The following RANBP3 variants were observed in gnomAD, a reference collection of about 807,000 sequenced individuals.
RANBP3 encodes the protein ran-binding protein 3.
RANBP3 carries 14 observed loss-of-function variants against 77.3 expected under a neutral mutation model. The observed-to-expected ratio is 0.18, with a 90% CI of 0.12 to 0.28. The LOEUF (loss-of-function observed/expected upper bound fraction) is 0.28. RANBP3 is among the 10% of genes least tolerant of loss of function. The pLI is 1.00. For synonymous variants in RANBP3, 315 were observed against 312.4 expected (o/e 1.01, Z -0.09); for missense variants, 586 against 752.3 (o/e 0.78, Z 2.59).
At chr19:5,977,703 C>T (rs1464907807) in intron 1 of RANBP3, among the ~76,000 whole-genome samples, 5 of 152,216 alleles carry the variant, frequency 3.3e-5, no homozygotes, top group African/African-American at 9.6e-5. Flanking sequence ...CGGGCCACAA[C>T]CAGGCCCTAA....
intron 5 of RANBP3, among the ~76,000 whole-genome samples, chr19:5,941,281 G>A (rs1183516364): frequency 6.6e-6 from 1 of 152,224 alleles, no homozygotes; most frequent in African/African-American, 2.4e-5. Flanking sequence ...CCCAGTCTGT[G>A]TCCAGCCTTG....
chr19:5,939,481 G>A (rs541076525), intron 5 of RANBP3, among the ~76,000 whole-genome samples: 7 of 152,350 alleles, frequency 4.6e-5, no homozygotes, highest in Middle Eastern at 3.4e-3. Flanking sequence ...CCCCCAGGCC[G>A]GGCGGGAAGG....
intron 8 of RANBP3, chr19:5,928,393 C>T (rs149710606): frequency 2.1e-4 from 47 of 222,306 alleles, no homozygotes; most frequent in Non-Finnish European, 3.5e-4. Flanking sequence ...CCTGGTTGCT[C>T]ATCATTGGCC....
intron 1 of RANBP3, among the ~76,000 whole-genome samples, chr19:5,969,009 G>A (rs1378952162): frequency 6.6e-6 from 1 of 152,198 alleles, no homozygotes; most frequent in African/African-American, 2.4e-5. Context: ...CACATGAAGG[G>A]TGAGCAGGGA....
intron 14 of RANBP3, among the ~76,000 whole-genome samples, chr19:5,919,882 C>A (rs905095341): frequency 7.7e-6 from 1 of 129,192 alleles, no homozygotes; most frequent in African/African-American, 3.0e-5. Flanking sequence ...GACTGGGCAA[C>A]AAGGGCAAAA....
rs966475474 is a variant in RANBP3, at chr19:5,917,849, C to G, written c.1605G>C (p.Glu535Asp). The change falls in exon 16 of 17, where the codon GAG (glutamate) becomes GAC (aspartate). Residue 535 changes from glutamate (E) to aspartate (D), a missense_variant. By Grantham distance (45) the Glu-to-Asp change is conservative. This residue lies in a region of RANBP3 where 128 missense variants were observed against 157.0 expected (regional missense o/e 0.82). Transcript: ENST00000340578. ...CATCGTCATCGTCGCTGTCGTCCTC[C>G]TCGTTGGATGGGGCTGCCCCAGGCT... ...APEPGAAPSN[E>D]EDDSDDDDVL... The G allele has an allele frequency of 1.3e-5, 21 of 1,612,876 alleles. No individual in the cohort carries two copies. The highest frequency in any genetic ancestry group is 1.8e-5 in the Non-Finnish European group (21 of 1,179,896).
intron 14 of RANBP3, 94 bp from the exon 15 acceptor site, chr19:5,918,732 A>G: frequency 6.8e-7 from 1 of 1,466,902 alleles, no homozygotes; most frequent in Middle Eastern, 2.3e-4. Flanking sequence ...ATGGAAAGCG[A>G]CATCACCGCG....
intron 6 of RANBP3, 97 bp downstream of exon 6, chr19:5,933,317 G>C: frequency 1.0e-6 from 1 of 967,506 alleles, no homozygotes; most frequent in Non-Finnish European, 1.5e-6. Flanking sequence ...GATCTTTCTA[G>C]AAAGCAGGCT....
At chr19:5,977,975 G>A (rs1375979736) in intron 1 of RANBP3, 86 bp downstream of exon 1, 43 of 1,552,410 alleles carry the variant, frequency 2.8e-5, no homozygotes, top group South Asian at 4.7e-5. Context: ...GCACTCTGCG[G>A]TGCTCCCCCC....
At chr19:5,925,012 G>C (rs997613250) in intron 10 of RANBP3, 107 bp from the exon 11 acceptor site, 80 of 1,000,604 alleles carry the variant, frequency 8.0e-5, no homozygotes, top group Middle Eastern at 7.0e-4. Context: ...ACAGTGGAGG[G>C]GCCTCCGCCA....
Position 5,921,094 on chromosome 19 carries a change from C to T in RANBP3, c.1330+107G>A. The T allele has an allele frequency of 7.1e-7, 1 of 1,399,310 alleles. No homozygotes were observed. Among genetic ancestry groups the T allele is most frequent in the East Asian group, 2.5e-5 (1 of 40,438 alleles). The allele number at this position is 1,399,310 out of a possible 1,614,324, so 86.7% of individuals were successfully genotyped here. On this transcript the variant is annotated intron_variant, in intron 14 of 16. Transcript: ENST00000340578. The surrounding 1 kb of genome is among the most constrained non-coding windows in gnomAD (Gnocchi z 5.3). ...GAGACCGACTCTGTGCCTTGACTCT[C>T]ACAAGGGTAGGGTCAGGATCTCCCC...
At chr19:5,974,684 G>A (rs1323005524) in intron 1 of RANBP3, among the ~76,000 whole-genome samples, 1 of 152,058 alleles carries the variant, frequency 6.6e-6, no homozygotes, top group Non-Finnish European at 1.5e-5. Context: ...TCGTATACAA[G>A]CAGAGGACAC....
chr19:5,964,135 G>C (rs1047026695), intron 1 of RANBP3, among the ~76,000 whole-genome samples: 3 of 152,192 alleles, frequency 2.0e-5, no homozygotes, highest in African/African-American at 4.8e-5. Flanking sequence ...ATGCAAAATG[G>C]GACCAGCTGG....
In RANBP3 at chr19:5,961,215, G is replaced by A. The variant is rs375730800; in HGVS notation, c.23-3242C>T. ...TCCCAGCACTTTGGGAGGCCGAGGT[G>A]GGGGGATCACGAGGTCAGGAGATTG... On this transcript the variant is annotated intron_variant, in intron 1 of 16. Coordinates refer to ENST00000340578, the MANE Select transcript of RANBP3 (RefSeq NM_007322.3). 6.0e-5 allele frequency among the ~76,000 whole-genome samples: 9 copies of A among 150,960 alleles called. No homozygotes were observed. In the South Asian group the frequency reaches 1.3e-3, roughly 21 times the overall value.
chr19:5,945,022 G>A (rs1306925431), intron 3 of RANBP3, among the ~76,000 whole-genome samples: 3 of 152,082 alleles, frequency 2.0e-5, no homozygotes, highest in South Asian at 2.1e-4. Flanking sequence ...TCCCTCAAGC[G>A]AGAATGAACC....
At chr19:5,931,926 T>A (rs1279456628) in intron 7 of RANBP3, among the ~76,000 whole-genome samples, 1 of 151,970 alleles carries the variant, frequency 6.6e-6, no homozygotes, top group Non-Finnish European at 1.5e-5. Context: ...TCCCAGCTAC[T>A]TGGGAGGCTG....
chr19:5,925,154 C>T (rs756337530), intron 10 of RANBP3: 95 of 543,874 alleles, frequency 1.7e-4, no homozygotes, highest in Non-Finnish European at 2.7e-4. Context: ...CTGCTCTACC[C>T]GCCCATCTCC....
chr19:5,977,178 G>A (rs368967347), intron 1 of RANBP3, among the ~76,000 whole-genome samples: 9 of 152,296 alleles, frequency 5.9e-5, no homozygotes, highest in African/African-American at 2.2e-4. Flanking sequence ...CAGGTAGAGA[G>A]CTTGCCTGCA....
intron 6 of RANBP3, chr19:5,932,838 G>A: frequency 2.4e-6 from 1 of 421,490 alleles, no homozygotes; most frequent in East Asian, 4.9e-5. Context: ...GAGACTGTGG[G>A]AGGAGAGCAG....
Sources: gnomAD v4.1 joint callset for allele counts (sites outside exome capture counted in the v4.1 genomes callset) on GRCh38, gnomAD v4.1.1 for gene constraint, gnomAD v4.1.1 regional missense constraint, Gnocchi (gnomAD v3.1) non-coding constraint, MANE v1.5 for transcripts, NCBI Gene and HGNC (gene_info 2026-07-23, HGNC 2026-07-21) for gene names.